The following MDGA1 variants were observed in gnomAD, a reference collection of about 807,000 sequenced individuals.
MDGA1 encodes the protein MAM domain-containing glycosylphosphatidylinositol anchor protein 1.
In MDGA1, 54 loss-of-function variants were observed where a neutral mutation model predicts 101.5. The ratio of observed to expected loss-of-function variants is 0.53; its 90% CI spans 0.43 to 0.67. MDGA1 has a LOEUF of 0.67. MDGA1 is among the 30% of genes least tolerant of loss of function. MDGA1 has a pLI of 0.00. For missense variants in MDGA1, 1,083 were observed against 1,323.8 expected (o/e 0.82, Z 2.82); for synonymous variants, 533 against 558.3 (o/e 0.95, Z 0.64).
chr6:37,674,946 A>G (rs1581619743), intron 1 of MDGA1, among the ~76,000 whole-genome samples: 1 of 152,154 alleles, frequency 6.6e-6, no homozygotes, highest in Admixed American at 6.5e-5. Flanking sequence ...AATCCCAGCT[A>G]CTTGGGAGGC....
chr6:37,658,553 A>G (rs1292612331), intron 2 of MDGA1, 134 bp from the exon 3 acceptor site: 3 of 870,410 alleles, frequency 3.4e-6, no homozygotes, highest in Non-Finnish European at 5.2e-6. Flanking sequence ...ACGCAGGCCT[A>G]GGAAACGAAC....
At chr6:37,656,077 C>CTTTT (rs11396919) in intron 3 of MDGA1, among the ~76,000 whole-genome samples, 181 bp from the exon 4 acceptor site, 3 of 142,166 alleles carry the variant, frequency 2.1e-5, no homozygotes, top group Admixed American at 7.0e-5. Context: ...GGACTTTTTC[C>CTTTT]TTTTTTTTTT....
rs201332697 is a variant in MDGA1 at position 37,679,243 on chromosome 6, AAAG to A, written c.68-15140_68-15138del. ...GAAATCGAGTAGGTGGGGGGAGAAA[AAAG>A]AAGGACTCAGGGATGGAGAAGGACA... On this transcript the variant is annotated intron_variant, in intron 1 of 16. Coordinates refer to ENST00000434837, the MANE Select transcript of MDGA1 (RefSeq NM_153487.4). Among the ~76,000 whole-genome samples, 238 of 152,208 alleles carry A rather than the reference AAAG, an allele frequency of 1.6e-3. 3 individuals carry two copies. Among genetic ancestry groups the A allele is most frequent in the Admixed American group, 0.012 (190 of 15,294 alleles).
rs116121012 is a variant in MDGA1 at position 37,676,457 on chromosome 6, C to T, written c.68-12351G>A. The stretch of plus-strand genomic sequence containing the variant: ...GTAGGCTCAGCTTGGGGTTCTGGCA[C>T]AGGCCTGAATGTAGGGGCCAAAGGG... On this transcript the variant is annotated intron_variant, in intron 1 of 16. Transcript: ENST00000434837. Among the ~76,000 whole-genome samples the T allele has an allele frequency of 3.0e-3, 463 of 152,326 alleles. 2 individuals carry two copies. Among genetic ancestry groups the T allele is most frequent in the African/African-American group, 0.01 (416 of 41,578 alleles).
chr6:37,657,285 T>C (rs2114036213), intron 3 of MDGA1, among the ~76,000 whole-genome samples: 1 of 152,344 alleles, frequency 6.6e-6, no homozygotes, highest in African/African-American at 2.4e-5. Context: ...GAGAGCTTAA[T>C]GTATGGCTGT....
rs150750766 is a variant in MDGA1, at chr6:37,653,788, A to T, written c.982+486T>A. 2.6e-5 allele frequency among the ~76,000 whole-genome samples: 4 copies of T among 152,268 alleles called. No homozygotes were observed. The East Asian group carries it at 7.7e-4, about 29-fold the overall frequency. ...GTTTTGTATCATTTTTCATTTAGTAATTATCTTCAGATTCACTTAAATACT... is the reference window on the plus strand; with the variant it reads ...GTTTTGTATCATTTTTCATTTAGTATTTATCTTCAGATTCACTTAAATACT... On this transcript the variant is annotated intron_variant, in intron 6 of 16. Transcript: ENST00000434837.
At chr6:37,692,431 G>A (rs369704813) in intron 1 of MDGA1, among the ~76,000 whole-genome samples, 2 of 152,064 alleles carry the variant, frequency 1.3e-5, no homozygotes, top group Admixed American at 6.5e-5. Context: ...AGTGGGGAGG[G>A]GGGCAGGGGG....
At chr6:37,637,535 C>A (rs542035251) in intron 16 of MDGA1, 76 bp from the exon 17 acceptor site, 1 of 1,307,406 alleles carries the variant, frequency 7.6e-7, no homozygotes, top group South Asian at 1.2e-5. Flanking sequence ...GCAGGCAGGT[C>A]GGCACTGTTA....
chr6:37,656,474 T>C lies in MDGA1; in HGVS notation c.383-578A>G, dbSNP rs528699833. ...TGCAGCCTCAACCTCCTGGGCTCAA[T>C]TGATCCTCCCACCTCAGCCTCCTGA... is the stretch of plus-strand genomic sequence containing the variant. On this transcript the variant is annotated intron_variant, in intron 3 of 16. Transcript: ENST00000434837. Among the ~76,000 whole-genome samples the C allele has an allele frequency of 9.2e-5, 14 of 151,768 alleles. No individual in the cohort carries two copies. In the East Asian group the frequency reaches 2.5e-3, roughly 27 times the overall value.
At position 37,649,211 on chromosome 6, in the gene MDGA1, G is replaced by A. The variant is rs926951352; in HGVS notation, c.1665C>T (p.Pro555=). 29 of 1,509,792 alleles carry A rather than the reference G, an allele frequency of 1.9e-5. No individual in the cohort carries two copies. Among genetic ancestry groups the A allele is most frequent in the Admixed American group, 1.7e-4 (8 of 47,794 alleles). 93.5% of individuals were successfully genotyped at this position (1,509,792 alleles called of 1,614,324 possible). A position where few individuals can be genotyped will look rare whatever the true frequency, so the allele number is the denominator to read the frequency against. Residue 555 remains proline, a synonymous_variant, in exon 9 of 17, where the codon CCC becomes CCT. Coordinates refer to ENST00000434837, the MANE Select transcript of MDGA1 (RefSeq NM_153487.4). The part of the protein sequence containing the change: ...SQDVRQALGR[P]VLLRCSLLRG... ...GCAGCAGCGAGCAGCGCAGGAGCACGGGCCGGCCCAGCGCCTGGCGCACGT... is the reference window on the plus strand; with the variant it reads ...GCAGCAGCGAGCAGCGCAGGAGCACAGGCCGGCCCAGCGCCTGGCGCACGT...
chr6:37,635,689 C>T lies in MDGA1; in HGVS notation c.*1679G>A, dbSNP rs1254168260. On this transcript the variant is annotated 3_prime_UTR_variant, in exon 17 of 17. Coordinates refer to ENST00000434837, the MANE Select transcript of MDGA1 (RefSeq NM_153487.4). ...TCTCTGCAGCTGTCCCCACCAAATG[C>T]TCCAGAAGGAGCCCTGTGATGCTCC... is the stretch of plus-strand genomic sequence containing the variant. The T allele has an allele frequency of 1.0e-5, 4 of 398,604 alleles. No homozygotes were observed. Among genetic ancestry groups the T allele is most frequent in the Non-Finnish European group, 1.8e-5 (4 of 226,112 alleles). 24.7% of individuals were successfully genotyped at this position (398,604 alleles called of 1,614,324 possible).
Position 37,643,801 on chromosome 6 carries a change from C to T in MDGA1, c.2536+8G>A. ...ACTTGGTGGAGACTACCTGGCCCCC[C>T]AACTCACCGATGTGTTTCCCGTACA... On this transcript the variant is annotated splice_region_variant and intron_variant, in intron 14 of 16. Transcript: ENST00000434837. 6.2e-7 allele frequency: 1 copy of T among 1,613,840 alleles called. No homozygotes were observed. Among genetic ancestry groups the T allele is most frequent in the African/African-American group, 1.3e-5 (1 of 75,046 alleles).
chr6:37,658,275 C>T lies in MDGA1; in HGVS notation c.352G>A (p.Ala118Thr). The change falls in exon 3 of 17, where the codon GCC (alanine) becomes ACC (threonine). Residue 118 changes from alanine (A) to threonine (T), a missense_variant. This residue lies in a region of MDGA1 where 310 missense variants were observed against 355.9 expected (regional missense o/e 0.87). Transcript: ENST00000434837. ...ACGTCCACGCGGATGGACTTGATGG[C>T]CGGCACCCCCACGCCGTTCTCAGCC... Reference protein sequence around the residue: ...CKAENGVGVPAIKSIRVDVQY... With the variant: ...CKAENGVGVPTIKSIRVDVQY... 1 of 1,606,780 alleles carries T rather than the reference C, an allele frequency of 6.2e-7. No individual in the cohort carries two copies. Among genetic ancestry groups the T allele is most frequent in the Non-Finnish European group, 8.5e-7 (1 of 1,176,682 alleles).
chr6:37,663,961 G>T lies in MDGA1; in HGVS notation c.207+6C>A. On this transcript the variant is annotated splice_donor_region_variant and intron_variant, in intron 2 of 16. Transcript: ENST00000434837. ...GGGCCTGAGCAAGGCTGGGCTGGGG[G>T]CTTACCTGGGGTCGAGGGTGCCCTG... 3.7e-6 allele frequency: 6 copies of T among 1,613,720 alleles called. No individual in the cohort carries two copies. Among genetic ancestry groups the T allele is most frequent in the Non-Finnish European group, 5.1e-6 (6 of 1,179,734 alleles).
intron 1 of MDGA1, among the ~76,000 whole-genome samples, chr6:37,673,766 C>T (rs1487109260): frequency 3.9e-5 from 6 of 152,084 alleles, no homozygotes; most frequent in African/African-American, 1.2e-4. Flanking sequence ...CTAGGAAAGC[C>T]GACTTGAAAC....
At chr6:37,656,898 C>T (rs377158323) in intron 3 of MDGA1, among the ~76,000 whole-genome samples, 2 of 152,196 alleles carry the variant, frequency 1.3e-5, no homozygotes, top group African/African-American at 4.8e-5. Context: ...AGTTCTTGGC[C>T]CTGTTTGCCC....
chr6:37,654,665 G>A, intron 5 of MDGA1, 122 bp from the exon 6 acceptor site: 1 of 1,541,914 alleles, frequency 6.5e-7, no homozygotes, highest in South Asian at 1.2e-5. Flanking sequence ...GAGGGGAGAA[G>A]ACGGAGCAGG....
At chr6:37,679,939 A>G (rs1050224314) in intron 1 of MDGA1, among the ~76,000 whole-genome samples, 22 of 152,102 alleles carry the variant, frequency 1.4e-4, no homozygotes, top group African/African-American at 5.1e-4. Flanking sequence ...TTCAGGCCAC[A>G]CTGCCTCCCT....
At chr6:37,649,817 G>A (rs1328265775) in intron 8 of MDGA1, 1 of 628,936 alleles carries the variant, frequency 1.6e-6, no homozygotes, top group Non-Finnish European at 2.9e-6. Flanking sequence ...TGTTTCCCTT[G>A]AGTGTCCTTC....
Sources: allele counts gnomAD v4.1 joint callset (sites outside exome capture counted in the v4.1 genomes callset), GRCh38; gene constraint gnomAD v4.1.1; regional missense constraint gnomAD v4.1.1; transcripts MANE v1.5; gene names NCBI Gene and HGNC (gene_info 2026-07-23, HGNC 2026-07-21).